The following OTUD7A variants were observed in gnomAD, a reference collection of about 807,000 sequenced individuals.
OTUD7A encodes OTU domain-containing protein 7A.
Under a neutral mutation model 65.7 loss-of-function variants are expected in OTUD7A, and 12 were observed. The observed-to-expected ratio is 0.18, with a 90% CI of 0.12 to 0.30. The LOEUF is 0.30. Ranked by LOEUF, OTUD7A falls within the 10% of genes least tolerant of loss-of-function variation. The pLI, the probability that OTUD7A is intolerant of heterozygous loss-of-function variation, is 1.00. For missense variants in OTUD7A, 1,148 were observed against 1,304.8 expected (o/e 0.88, Z 1.85); for synonymous variants, 641 against 586.3 (o/e 1.09, Z -1.35).
intron 10 of OTUD7A, among the ~76,000 whole-genome samples, chr15:31,493,532 G>A (rs527339042): frequency 1.5e-4 from 23 of 152,310 alleles, no homozygotes; most frequent in African/African-American, 5.3e-4. Flanking sequence ...AGAATTTGAG[G>A]TAATTGACAT....
intron 1 of OTUD7A, among the ~76,000 whole-genome samples, chr15:31,830,210 A>C (rs570244774): frequency 1.7e-4 from 26 of 152,242 alleles, no homozygotes; most frequent in Admixed American, 3.3e-4. Context: ...GTCTGTAAAC[A>C]CTCTTAGTCA....
chr15:31,535,849 TG>T, intron 5 of OTUD7A, among the ~76,000 whole-genome samples: 1 of 149,420 alleles, frequency 6.7e-6, no homozygotes, highest in South Asian at 2.1e-4. Flanking sequence ...GCTAATTTTT[TG>T]TATTTTTTTT....
At chr15:31,515,795 GTCCA>G (rs2041842113) in intron 8 of OTUD7A, among the ~76,000 whole-genome samples, 1 of 135,802 alleles carries the variant, frequency 7.4e-6, no homozygotes, top group Admixed American at 7.4e-5. Context: ...CCATCCACCT[GTCCA>G]TCCACCCACA....
Position 31,617,533 on chromosome 15 carries a change from CATTTAT to C in OTUD7A, c.151+37557_151+37562del, listed in dbSNP as rs1027706898. Among the ~76,000 whole-genome samples, 9 of 151,882 alleles carry C rather than the reference CATTTAT, an allele frequency of 5.9e-5. No individual in the cohort carries two copies. In the South Asian group the frequency reaches 1.0e-3, roughly 18 times the overall value. On this transcript the variant is annotated intron_variant, in intron 3 of 12. Transcript: ENST00000307050. ...TGATAACTCTGGCAAGACTTATATA[CATTTAT>C]ATCTATGTGTCTATGTGCAAAAGAA...
chr15:31,748,704 C>A (rs1422370875), intron 1 of OTUD7A, among the ~76,000 whole-genome samples: 4 of 152,026 alleles, frequency 2.6e-5, no homozygotes, highest in Admixed American at 6.5e-5. Flanking sequence ...CCCTATGAAC[C>A]AGCAATTTCA....
At chr15:31,658,646 AG>A (rs1014637132) in intron 1 of OTUD7A, among the ~76,000 whole-genome samples, 3 of 152,166 alleles carry the variant, frequency 2.0e-5, no homozygotes, top group African/African-American at 7.2e-5. Flanking sequence ...CACTTAGTGG[AG>A]GAAGTGGTCC....
At chr15:31,773,722 C>T (rs1895298116) in intron 1 of OTUD7A, among the ~76,000 whole-genome samples, 1 of 152,180 alleles carries the variant, frequency 6.6e-6, no homozygotes, top group Admixed American at 6.5e-5. Context: ...AATGTGAGAA[C>T]AGCAAACTGG....
intron 3 of OTUD7A, among the ~76,000 whole-genome samples, chr15:31,612,404 A>C (rs538875441): frequency 3.7e-4 from 57 of 152,138 alleles, no homozygotes; most frequent in African/African-American, 1.3e-3. Flanking sequence ...AACCCTGAAG[A>C]CTCCTCCAGA....
chr15:31,613,654 T>C (rs1244967527), intron 3 of OTUD7A, among the ~76,000 whole-genome samples: 2 of 152,046 alleles, frequency 1.3e-5, no homozygotes, highest in Admixed American at 1.3e-4. Flanking sequence ...AACAGTAGAT[T>C]GAGGCATGGA....
At chr15:31,521,881 C>G (rs996783796) in intron 8 of OTUD7A, among the ~76,000 whole-genome samples, 1 of 152,208 alleles carries the variant, frequency 6.6e-6, no homozygotes, top group African/African-American at 2.4e-5. Context: ...CTTTGTCTGT[C>G]GGACTGGCCT....
intron 5 of OTUD7A, among the ~76,000 whole-genome samples, chr15:31,533,933 A>G (rs1887713246): frequency 6.6e-6 from 1 of 152,238 alleles, no homozygotes; most frequent in East Asian, 1.9e-4. Context: ...TAAGGTTTAT[A>G]TGCTTCACCA....
intron 3 of OTUD7A, among the ~76,000 whole-genome samples, chr15:31,571,861 T>C (rs573703868): frequency 2.0e-5 from 3 of 152,282 alleles, no homozygotes; most frequent in African/African-American, 4.8e-5. Flanking sequence ...ATAAAGTCCA[T>C]GGGAGGGCAG....
intron 6 of OTUD7A, among the ~76,000 whole-genome samples, chr15:31,528,051 A>G (rs933016001): frequency 6.6e-6 from 1 of 152,160 alleles, no homozygotes; most frequent in African/African-American, 2.4e-5. Context: ...CCACCCACCC[A>G]CGCACCCACT....
chr15:31,754,275 T>C (rs954679926), intron 1 of OTUD7A, among the ~76,000 whole-genome samples: 3 of 152,206 alleles, frequency 2.0e-5, no homozygotes, highest in South Asian at 2.1e-4. Flanking sequence ...GTCAGACATA[T>C]AGATTGTGAA....
At chr15:31,860,706 T>C (rs1216317395) in intron 1 of OTUD7A, among the ~76,000 whole-genome samples, 25 of 137,234 alleles carry the variant, frequency 1.8e-4, no homozygotes, top group Non-Finnish European at 3.1e-4. Flanking sequence ...TATATGTATG[T>C]ATATATATAT....
intron 1 of OTUD7A, among the ~76,000 whole-genome samples, chr15:31,808,944 C>A (rs1039894632): frequency 6.6e-6 from 1 of 152,170 alleles, no homozygotes; most frequent in African/African-American, 2.4e-5. Flanking sequence ...GTGGCTCCTG[C>A]CTTTCCTTTT....
intron 9 of OTUD7A, among the ~76,000 whole-genome samples, chr15:31,502,322 C>T (rs1469364164): frequency 6.6e-6 from 1 of 152,124 alleles, no homozygotes; most frequent in Non-Finnish European, 1.5e-5. Flanking sequence ...GGGATCAAGT[C>T]CTTCAGTGAC....
At chr15:31,870,317 C>G (rs1469145412) in intron 1 of OTUD7A, among the ~76,000 whole-genome samples, 190 bp downstream of exon 1, 1 of 146,946 alleles carries the variant, frequency 6.8e-6, no homozygotes. Context: ...GCCGGCGAGC[C>G]CAGCCGGGGC....
rs527280858 is a variant in OTUD7A, at chr15:31,762,961, C to T, written c.-99-105884G>A. Among the ~76,000 whole-genome samples the T allele has an allele frequency of 2.0e-5, 3 of 152,120 alleles. No homozygotes were observed. The South Asian group carries it at 6.2e-4, about 32-fold the overall frequency. On this transcript the variant is annotated intron_variant, in intron 1 of 12. Transcript: ENST00000307050. ...GACAAAAGCAGCTATAATAACCATGCTCCAAGACGTAAGAATAAACAAATG... is the reference window on the plus strand; with the variant it reads ...GACAAAAGCAGCTATAATAACCATGTTCCAAGACGTAAGAATAAACAAATG...
Sources: gnomAD v4.1 joint callset for allele counts (sites outside exome capture counted in the v4.1 genomes callset) on GRCh38, gnomAD v4.1.1 for gene constraint, MANE v1.5 for transcripts, NCBI Gene and HGNC (gene_info 2026-07-23, HGNC 2026-07-21) for gene names.